Variants in TRO observed in about 807,000 individuals in gnomAD.
TRO encodes MAGE superfamily protein.
In TRO, 29 loss-of-function variants were observed where a neutral mutation model predicts 42.3. That is an observed-to-expected ratio of 0.68 (90% CI 0.51 to 0.93). The LOEUF is 0.93. Among genes scored for constraint, TRO ranks in the 40% least tolerant of loss-of-function variants. The pLI is 0.00. For missense variants in TRO, 963 were observed against 1,127.7 expected (o/e 0.85, Z 2.09); for synonymous variants, 384 against 425.2 (o/e 0.90, Z 1.19).
intron 3 of TRO, chrX:54,923,996 T>C: frequency 2.4e-6 from 1 of 410,642 alleles, no homozygotes; most frequent in Admixed American, 4.7e-5. Flanking sequence ...TATGTAATAC[T>C]ACTTGTATTT....
In TRO at chrX:54,929,853, A is replaced by G. The variant is rs774560377; in HGVS notation, c.3129A>G (p.Leu1043=). 3 of 1,203,853 alleles carry G rather than the reference A, an allele frequency of 2.5e-6. No individual in the cohort carries two copies. The highest frequency in any genetic ancestry group is 3.4e-6 in the Non-Finnish European group (3 of 892,533). The change falls in exon 12 of 13, where the codon CTA becomes CTG. Residue 1043 remains leucine (L), a synonymous_variant. Coordinates refer to ENST00000173898, the MANE Select transcript of TRO (RefSeq NM_001039705.3). ...VSTNTDFGGT[L]STSVCFGGSP... is the part of the protein sequence containing the mutation. Reference sequence around the variant, plus strand: ...CCAACACTGACTTTGGTGGTACACTAAGCACCAGCGTCTGTTTTGGTGGCT... The same window carrying G: ...CCAACACTGACTTTGGTGGTACACTGAGCACCAGCGTCTGTTTTGGTGGCT...
chrX:54,928,732 G>T lies in TRO; in HGVS notation c.2008G>T (p.Gly670Ter), dbSNP rs1434442889. Residue 670 changes from glycine (G) to a stop codon, truncating the protein, a stop_gained, in exon 12 of 13, where the codon GGA (glycine) becomes TGA (stop). Coordinates refer to ENST00000173898, the MANE Select transcript of TRO (RefSeq NM_001039705.3). LOFTEE classifies it high-confidence loss of function. ...TGAGGCAAGAGCCCAAATGGGGATT[G>T]GAGAGGAAGCTGTGGCTGGGCCCTG... ...RAEARAQMGIGEEAVAGPWNW... is the reference protein window; with the variant it reads ...RAEARAQMGI 8.3e-7 allele frequency: 1 copy of T among 1,209,226 alleles called. No homozygotes were observed. Among genetic ancestry groups the T allele is most frequent in the Non-Finnish European group, 1.1e-6 (1 of 894,695 alleles).
rs776959349 is a variant in TRO at position 54,923,196 on chromosome X, G to T, written c.664G>T (p.Val222Phe). Residue 222 changes from valine to phenylalanine, a missense_variant, in exon 3 of 13, where the codon GTC becomes TTC. Val to Phe is a conservative substitution (Grantham distance 50). Coordinates refer to ENST00000173898, the MANE Select transcript of TRO (RefSeq NM_001039705.3). ...TAAGGCCATAGCTAGTGCCACCGAG[G>T]TCTCGCTGGCTGCAACTGCCACCCA... Reference protein sequence around the residue: ...ANKAIASATEVSLAATATHTA... With the variant: ...ANKAIASATEFSLAATATHTA... The T allele has an allele frequency of 1.5e-5, 18 of 1,209,600 alleles. No homozygotes were observed. The highest frequency in any genetic ancestry group is 1.7e-5 in the Non-Finnish European group (15 of 895,200).
Position 54,928,611 on chromosome X carries a change from G to T in TRO, c.1887G>T (p.Lys629Asn). Residue 629 changes from lysine to asparagine, a missense_variant, in exon 12 of 13, where the codon AAG becomes AAT. This residue lies in a region of TRO where 641 missense variants were observed against 811.3 expected (regional missense o/e 0.79). Transcript: ENST00000173898. ...TATCATCCCCATTTCAGGTGCAGAA[G>T]AAAGACCCCAAGGACTGGGCTGTGC... ...KVLKFACRVQ[K>N]KDPKDWAVQY... 1.7e-6 allele frequency: 2 copies of T among 1,145,550 alleles called. No homozygotes were observed. Among genetic ancestry groups the T allele is most frequent in the East Asian group, 3.0e-5 (1 of 33,193 alleles). The allele number at this position is 1,145,550 out of a possible 1,213,427, so 94.4% of individuals were successfully genotyped here. A position where few individuals can be genotyped will look rare whatever the true frequency, so the allele number is the denominator to read the frequency against.
chrX:54,927,821 T>G, intron 11 of TRO, 40 bp downstream of exon 11: 1 of 1,112,508 alleles, frequency 9.0e-7, no homozygotes, highest in Non-Finnish European at 1.2e-6. Flanking sequence ...ATTAAGGCAA[T>G]GGGATACCCT....
rs1002399128 is a variant in TRO, at chrX:54,922,620, C to T, written c.88C>T (p.Pro30Ser). ...GGGGAGCCTGGGGCTTCCCTTCCCTCCAGATATACAGACTGAGACCACAGA... is the reference window on the plus strand; with the variant it reads ...GGGGAGCCTGGGGCTTCCCTTCCCTTCAGATATACAGACTGAGACCACAGA... ...PPGSLGLPFP[P>S]DIQTETTEED... Residue 30 changes from proline (P) to serine (S), a missense_variant, in exon 3 of 13, where the codon CCA (proline) becomes TCA (serine). Around this residue, in one of 2 missense-constraint regions of TRO, gnomAD observed 322 missense variants for 316.5 expected, o/e 1.02. Transcript: ENST00000173898. The T allele has an allele frequency of 1.7e-6, 2 of 1,211,068 alleles. No individual in the cohort carries two copies. The highest frequency in any genetic ancestry group is 2.2e-6 in the Non-Finnish European group (2 of 895,252).
At chrX:54,926,975 G>T in intron 9 of TRO, 68 bp from the exon 10 acceptor site, 1 of 1,148,444 alleles carries the variant, frequency 8.7e-7, no homozygotes. Flanking sequence ...CTTCCATGTT[G>T]GGAAATGCCT....
Position 54,930,605 on chromosome X carries a change from G to T in TRO, c.3881G>T (p.Gly1294Val), listed in dbSNP as rs371240500. The change falls in exon 12 of 13, where the codon GGC (glycine) becomes GTC (valine). Residue 1294 changes from glycine (G) to valine (V), a missense_variant. Gly to Val is a moderately radical substitution (Grantham distance 109). Transcript: ENST00000173898. ...VTSDGFGGGLGTNASFGSTLG... is the reference protein window; with the variant it reads ...VTSDGFGGGLVTNASFGSTLG... ...AGTGATGGCTTTGGTGGTGGACTGG[G>T]CACCAATGCTAGTTTCGGCAGCACA... 12 of 1,209,045 alleles carry T rather than the reference G, an allele frequency of 9.9e-6. No individual in the cohort carries two copies. In the African/African-American group the frequency reaches 1.8e-4, roughly 18 times the overall value.
intron 2 of TRO, 72 bp downstream of exon 2, chrX:54,922,363 T>G: frequency 9.1e-7 from 1 of 1,102,363 alleles, no homozygotes; most frequent in Non-Finnish European, 1.2e-6. Context: ...TCAGACCCCT[T>G]CCACCGTGTA....
rs367690239 is a variant in TRO at position 54,929,624 on chromosome X, C to G, written c.2900C>G (p.Ala967Gly). ...ICFDGSPSTG[A>G]GFGGALNTSA... is the part of the protein sequence containing the mutation. ...TTTGATGGCTCTCCCAGCACTGGTG[C>G]TGGCTTTGGTGGTGCTCTCAACACC... The change falls in exon 12 of 13, where the codon GCT becomes GGT. Residue 967 changes from alanine (A) to glycine (G), a missense_variant. By Grantham distance (60) the Ala-to-Gly change is moderately conservative (BLOSUM62 0). Around this residue, in one of 2 missense-constraint regions of TRO, gnomAD observed 641 missense variants for 811.3 expected, o/e 0.79. Transcript: ENST00000173898. 1.8e-5 allele frequency: 22 copies of G among 1,209,839 alleles called. No individual in the cohort carries two copies. The African/African-American group carries it at 3.5e-4, about 19-fold the overall frequency.
intron 6 of TRO, among the ~76,000 whole-genome samples, chrX:54,925,329 C>A (rs1032337704): frequency 1.8e-5 from 2 of 111,801 alleles, no homozygotes; most frequent in African/African-American, 6.5e-5. Flanking sequence ...GCATGTATTT[C>A]AGATCTCACC....
chrX:54,929,341 C>A lies in TRO; in HGVS notation c.2617C>A (p.Pro873Thr), dbSNP rs1039000057. 2 of 1,212,032 alleles carry A rather than the reference C, an allele frequency of 1.7e-6. No individual in the cohort carries two copies. Among genetic ancestry groups the A allele is most frequent in the Admixed American group, 4.3e-5 (2 of 46,092 alleles). Residue 873 changes from proline (P) to threonine (T), a missense_variant, in exon 12 of 13, where the codon CCC becomes ACC. Physicochemically the swap from Pro to Thr is conservative, Grantham distance 38. Transcript: ENST00000173898. ...CACTAGCACCAGCTTTGGCAGTGCA[C>A]CCACAACGAGCACAGTCTTCAGTAG... ...LSTSTSFGSA[P>T]TTSTVFSSAL...
intron 11 of TRO, 37 bp from the exon 12 acceptor site, chrX:54,928,566 G>A: frequency 1.8e-6 from 2 of 1,135,283 alleles, no homozygotes; most frequent in Non-Finnish European, 2.3e-6. Context: ...TGATTACTAG[G>A]GTTGTTTTCT....
rs370954915 is a variant in TRO at position 54,927,800 on chromosome X, G to A, written c.1878+19G>A. 28 of 1,183,989 alleles carry A rather than the reference G, an allele frequency of 2.4e-5. No homozygotes were observed. The highest frequency in any genetic ancestry group is 8.8e-5 in the African/African-American group (5 of 56,637). On this transcript the variant is annotated intron_variant, in intron 11 of 12. Coordinates refer to ENST00000173898, the MANE Select transcript of TRO (RefSeq NM_001039705.3). ...ATGCAGGGTAAGAGGAGAGCTGCCC[G>A]AGCTTGGCATATTAAGGCAATGGGA...
At chrX:54,922,548 G>A in intron 2 of TRO, 30 bp from the exon 3 acceptor site, 1 of 1,172,956 alleles carries the variant, frequency 8.5e-7, no homozygotes, top group South Asian at 1.9e-5. Flanking sequence ...AGGCCAAATG[G>A]CCCAGAGGAT....
At chrX:54,926,657 C>T (rs768748228) in intron 9 of TRO, 32 bp downstream of exon 9, 8 of 1,208,665 alleles carry the variant, frequency 6.6e-6, no homozygotes, top group East Asian at 3.0e-5. Flanking sequence ...GCTTGCTGTC[C>T]GTGTTGTCCT....
At chrX:54,931,175 A>G in intron 12 of TRO, 29 bp from the exon 13 acceptor site, 1 of 1,208,971 alleles carries the variant, frequency 8.3e-7, no homozygotes, top group Non-Finnish European at 1.1e-6. Flanking sequence ...TTTGGTGCTA[A>G]AATGTGTTCC....
Position 54,924,751 on chromosome X carries a change from C to T in TRO, c.1405+18C>T, listed in dbSNP as rs199589273. On this transcript the variant is annotated intron_variant, in intron 5 of 12. Transcript: ENST00000173898. ...ACGCTCAGGTAGTGTCCTACCAACCCTCCTCCTTGAGCTCTCCTCTCCACT... is the reference window on the plus strand; with the variant it reads ...ACGCTCAGGTAGTGTCCTACCAACCTTCCTCCTTGAGCTCTCCTCTCCACT... The T allele has an allele frequency of 8.3e-7, 1 of 1,204,789 alleles. No homozygotes were observed. Among genetic ancestry groups the T allele is most frequent in the African/African-American group, 1.7e-5 (1 of 57,755 alleles).
chrX:54,927,221 G>A (rs1406728974), intron 10 of TRO, 116 bp downstream of exon 10: 1 of 830,506 alleles, frequency 1.2e-6, no homozygotes, highest in African/African-American at 2.0e-5. Flanking sequence ...TGGGCATCCT[G>A]TGTCCTAGAA....
Sources: gnomAD v4.1 joint callset for allele counts (sites outside exome capture counted in the v4.1 genomes callset) on GRCh38, gnomAD v4.1.1 for gene constraint, gnomAD v4.1.1 regional missense constraint, MANE v1.5 for transcripts, NCBI Gene and HGNC (gene_info 2026-07-23, HGNC 2026-07-21) for gene names.